Variants in SMCHD1 observed in about 807,000 individuals in gnomAD.
SMCHD1 encodes the protein structural maintenance of chromosomes flexible hinge domain containing 1.
SMCHD1 carries 78 observed loss-of-function variants against 254.7 expected under a neutral mutation model. The ratio of observed to expected loss-of-function variants is 0.31; its 90% CI spans 0.26 to 0.37. SMCHD1 has a LOEUF of 0.37. SMCHD1 is among the 10% of genes least tolerant of loss of function. The pLI, the probability that SMCHD1 is intolerant of heterozygous loss-of-function variation, is 1.00. For synonymous variants in SMCHD1, 766 were observed against 794.9 expected, an observed-to-expected ratio of 0.96 and a Z score of 0.61; for missense variants, 1,840 against 2,408.1, an observed-to-expected ratio of 0.76 and a Z score of 4.94.
chr18:2,738,846 A>G (rs2075298710), intron 26 of SMCHD1, among the ~76,000 whole-genome samples: 1 of 152,220 alleles, frequency 6.6e-6, no homozygotes, highest in Non-Finnish European at 1.5e-5. Context: ...GTGATCAGTC[A>G]GTGTTGTTCA....
intron 28 of SMCHD1, among the ~76,000 whole-genome samples, chr18:2,743,220 G>C (rs1568287308): frequency 6.6e-6 from 1 of 152,146 alleles, no homozygotes; most frequent in Non-Finnish European, 1.5e-5. Flanking sequence ...AATAGAGATT[G>C]AGTAGTGACA....
intron 3 of SMCHD1, among the ~76,000 whole-genome samples, chr18:2,667,515 T>C (rs142700836): frequency 6.6e-6 from 1 of 152,368 alleles, no homozygotes; most frequent in Non-Finnish European, 1.5e-5. Flanking sequence ...TACAAATCAA[T>C]TAGTTTACTG....
At chr18:2,744,644 C>G (rs954998506) in intron 29 of SMCHD1, among the ~76,000 whole-genome samples, 1 of 152,078 alleles carries the variant, frequency 6.6e-6, no homozygotes, top group African/African-American at 2.4e-5. Context: ...AAAGGACATG[C>G]AATAGATGAA....
At chr18:2,749,120 A>G (rs1483541979) in intron 30 of SMCHD1, among the ~76,000 whole-genome samples, 1 of 152,246 alleles carries the variant, frequency 6.6e-6, no homozygotes, top group African/African-American at 2.4e-5. Flanking sequence ...TAAGGATTTG[A>G]TACCCAGATG....
intron 3 of SMCHD1, 150 bp from the exon 4 acceptor site, chr18:2,673,131 C>A: frequency 1.9e-5 from 25 of 1,290,824 alleles, no homozygotes; most frequent in Non-Finnish European, 2.4e-5. Flanking sequence ...GTGATGATGC[C>A]TTTATTATGT....
intron 25 of SMCHD1, among the ~76,000 whole-genome samples, chr18:2,733,829 G>A (rs1170405083): frequency 3.9e-5 from 6 of 152,150 alleles, no homozygotes; most frequent in African/African-American, 9.7e-5. Flanking sequence ...AAATTCCCAA[G>A]TGTGGAAAAA....
chr18:2,704,436 G>C (rs775789954), intron 13 of SMCHD1, among the ~76,000 whole-genome samples: 9 of 152,024 alleles, frequency 5.9e-5, no homozygotes, highest in Non-Finnish European at 1.2e-4. Context: ...CCTTTTGACT[G>C]TGTGGTGGAG....
Position 2,666,192 on chromosome 18 carries a change from TACA to T in SMCHD1, c.230_232del (p.Thr77del). ...TTTCACCTGAAGAAAAATTTGTTAT[TACA>T]ACAACAAGTAGGAAAGAAATTACCT... On this transcript the variant is annotated inframe_deletion, in exon 2 of 48. Transcript: ENST00000320876. 6.4e-7 allele frequency: 1 copy of T among 1,561,430 alleles called. No individual in the cohort carries two copies.
intron 5 of SMCHD1, among the ~76,000 whole-genome samples, chr18:2,676,047 A>G (rs968137553): frequency 3.9e-5 from 6 of 152,128 alleles, no homozygotes; most frequent in Non-Finnish European, 5.9e-5. Context: ...TCAATATCAG[A>G]TACACCCCTT....
chr18:2,656,300 TG>T (rs753815705), intron 1 of SMCHD1, 39 bp downstream of exon 1: 1 of 1,425,390 alleles, frequency 7.0e-7, no homozygotes, highest in East Asian at 2.8e-5. Flanking sequence ...CGTGTAGACT[TG>T]GGGGCGGGAG....
intron 37 of SMCHD1, among the ~76,000 whole-genome samples, chr18:2,769,074 T>A (rs1212926375): frequency 1.3e-5 from 2 of 152,188 alleles, no homozygotes; most frequent in South Asian, 2.1e-4. Context: ...CCCTTAGAAC[T>A]GTGTGAAAAA....
In SMCHD1 at chr18:2,752,242, A is replaced by G. The variant is rs2347806; in HGVS notation, c.4282-246A>G. On this transcript the variant is annotated intron_variant, in intron 33 of 47. Coordinates refer to ENST00000320876, the MANE Select transcript of SMCHD1 (RefSeq NM_015295.3). The stretch of plus-strand genomic sequence containing the variant: ...TCCAATCAAGTTGGTATTATCTTTA[A>G]ATAATATCACCATAAAGTTCTACTG... Among the ~76,000 whole-genome samples, 29,072 of 152,076 alleles carry G rather than the reference A, an allele frequency of 0.19. 3,060 individuals are homozygous for G. Among genetic ancestry groups the G allele is most frequent in the South Asian group, 0.27 (1,296 of 4,816 alleles).
intron 16 of SMCHD1, 51 bp downstream of exon 16, chr18:2,707,696 T>C (rs1293985348): frequency 6.7e-7 from 1 of 1,489,298 alleles, no homozygotes; most frequent in African/African-American, 1.4e-5. Context: ...TCTTTTGTCT[T>C]ACATTTCCAA....
intron 8 of SMCHD1, among the ~76,000 whole-genome samples, chr18:2,696,287 G>A (rs62084201): frequency 0.19 from 29,018 of 152,030 alleles, 3,060 homozygotes; most frequent in South Asian, 0.27. Flanking sequence ...TCGTGAACTG[G>A]TACCCATCTG....
intron 7 of SMCHD1, among the ~76,000 whole-genome samples, chr18:2,694,270 TC>T (rs1433458809): frequency 1.3e-5 from 2 of 152,230 alleles, no homozygotes; most frequent in Non-Finnish European, 2.9e-5. Flanking sequence ...CGTTTATGAT[TC>T]TAAAATCGGT....
intron 5 of SMCHD1, among the ~76,000 whole-genome samples, chr18:2,676,419 G>A (rs1568109639): frequency 6.6e-6 from 1 of 152,172 alleles, no homozygotes; most frequent in Non-Finnish European, 1.5e-5. Flanking sequence ...AGGCTTGAAT[G>A]ATCAGAAGAA....
intron 42 of SMCHD1, 149 bp downstream of exon 42, chr18:2,776,073 G>T: frequency 2.8e-6 from 2 of 702,792 alleles, no homozygotes; most frequent in South Asian, 2.1e-5. Flanking sequence ...CATCACAAAT[G>T]GGCATTTTTC....
intron 34 of SMCHD1, among the ~76,000 whole-genome samples, chr18:2,757,399 A>C (rs2075702352): frequency 6.6e-6 from 1 of 151,734 alleles, no homozygotes; most frequent in South Asian, 2.1e-4. Context: ...AATTTGGTAG[A>C]TATCAGGGCC....
At chr18:2,743,133 A>G (rs1337402991) in intron 28 of SMCHD1, among the ~76,000 whole-genome samples, 1 of 152,224 alleles carries the variant, frequency 6.6e-6, no homozygotes, top group African/African-American at 2.4e-5. Context: ...GTGTGGAATC[A>G]TTCAGTCATA....
Sources: gnomAD v4.1 joint callset for allele counts (sites outside exome capture counted in the v4.1 genomes callset) on GRCh38, gnomAD v4.1.1 for gene constraint, MANE v1.5 for transcripts, NCBI Gene and HGNC (gene_info 2026-07-23, HGNC 2026-07-21) for gene names.